Variants in KLHL1 observed in about 807,000 individuals in gnomAD.
KLHL1 encodes the protein kelch like family member 1.
A neutral mutation model predicts 77.7 loss-of-function variants in KLHL1; 47 were observed. The ratio of observed to expected loss-of-function variants is 0.60; its 90% CI spans 0.48 to 0.77. KLHL1 has a LOEUF of 0.77. Ranked by LOEUF, KLHL1 falls within the 30% of genes least tolerant of loss-of-function variation. KLHL1 has a pLI of 0.00. For missense variants in KLHL1, 925 were observed against 910.8 expected, an observed-to-expected ratio of 1.02 and a Z score of -0.20; for synonymous variants, 360 against 325.2, an observed-to-expected ratio of 1.11 and a Z score of -1.15.
chr13:69,892,216 G>A (rs1881447507), intron 4 of KLHL1, among the ~76,000 whole-genome samples: 1 of 152,082 alleles, frequency 6.6e-6, no homozygotes, highest in South Asian at 2.1e-4. Context: ...ATAAATCTCT[G>A]TACAATCTTT....
chr13:70,103,200 C>T (rs928518876), intron 1 of KLHL1, among the ~76,000 whole-genome samples: 1 of 151,882 alleles, frequency 6.6e-6, no homozygotes, highest in Non-Finnish European at 1.5e-5. Flanking sequence ...AGTCTCTATG[C>T]AAAGAAGGAA....
intron 3 of KLHL1, among the ~76,000 whole-genome samples, chr13:69,942,980 A>AT (rs1883410396): frequency 6.6e-6 from 1 of 151,988 alleles, no homozygotes; most frequent in African/African-American, 2.4e-5. Flanking sequence ...TTCCTCTGCC[A>AT]TTTTTTCATC....
At chr13:70,045,503 A>G (rs1487396198) in intron 1 of KLHL1, among the ~76,000 whole-genome samples, 2 of 152,108 alleles carry the variant, frequency 1.3e-5, no homozygotes, top group Non-Finnish European at 2.9e-5. Context: ...TCATTCTATG[A>G]AACAAAAAAG....
At chr13:69,983,979 C>G (rs1450916615) in intron 1 of KLHL1, among the ~76,000 whole-genome samples, 2 of 151,978 alleles carry the variant, frequency 1.3e-5, no homozygotes, top group Non-Finnish European at 2.9e-5. Context: ...AACAACATCC[C>G]GATCTCTCAC....
chr13:69,706,379 T>C (rs1445397754), intron 10 of KLHL1, among the ~76,000 whole-genome samples: 1 of 151,942 alleles, frequency 6.6e-6, no homozygotes. Context: ...ATTAGGAATT[T>C]GGTTTTGTAC....
At chr13:70,033,683 C>T (rs1329869354) in intron 1 of KLHL1, among the ~76,000 whole-genome samples, 1 of 127,672 alleles carries the variant, frequency 7.8e-6, no homozygotes, top group Non-Finnish European at 1.6e-5. Flanking sequence ...GCAGTGGCAC[C>T]ATCTTGACTC....
chr13:69,926,732 G>A (rs1337996945), intron 4 of KLHL1, among the ~76,000 whole-genome samples: 2 of 151,764 alleles, frequency 1.3e-5, no homozygotes, highest in Non-Finnish European at 2.9e-5. Flanking sequence ...TGGATCACGA[G>A]GCCAGGAGAT....
At chr13:70,105,931 A>G (rs1888044241) in intron 1 of KLHL1, among the ~76,000 whole-genome samples, 1 of 150,786 alleles carries the variant, frequency 6.6e-6, no homozygotes, top group South Asian at 2.1e-4. Flanking sequence ...ACATTATAGT[A>G]CATGTCTTAA....
At chr13:70,062,812 A>T (rs1886922948) in intron 1 of KLHL1, among the ~76,000 whole-genome samples, 1 of 152,204 alleles carries the variant, frequency 6.6e-6, no homozygotes, top group Admixed American at 6.5e-5. Context: ...TTCGTTTAAC[A>T]AAATTATATT....
At chr13:69,979,940 C>T (rs1884659641) in intron 1 of KLHL1, among the ~76,000 whole-genome samples, 1 of 152,112 alleles carries the variant, frequency 6.6e-6, no homozygotes, top group African/African-American at 2.4e-5. Context: ...AGTTCCTGAC[C>T]CTCCAAATAC....
chr13:70,046,741 T>C (rs573092597), intron 1 of KLHL1, among the ~76,000 whole-genome samples: 1 of 152,178 alleles, frequency 6.6e-6, no homozygotes, highest in East Asian at 1.9e-4. Flanking sequence ...CTCAAACTCC[T>C]GGCCTCAAGT....
Position 69,771,766 on chromosome 13 carries a change from A to T in KLHL1, c.1639+24972T>A, listed in dbSNP as rs117007198. Among the ~76,000 whole-genome samples, 190 of 152,242 alleles carry T rather than the reference A, an allele frequency of 1.2e-3. 1 individual carries two copies. The East Asian group carries it at 0.013, about 11-fold the overall frequency. On this transcript the variant is annotated intron_variant, in intron 7 of 10. Coordinates refer to ENST00000377844, the MANE Select transcript of KLHL1 (RefSeq NM_020866.3). ...GTCTTATATTTTAAAAATAATTTTG[A>T]GTGAATTCTATTTAATGACGATAAT...
chr13:69,749,092 T>G (rs778389113), intron 7 of KLHL1, among the ~76,000 whole-genome samples: 54 of 152,052 alleles, frequency 3.6e-4, no homozygotes, highest in Non-Finnish European at 6.2e-4. Context: ...TATTATGTGA[T>G]TCTCATATTT....
intron 1 of KLHL1, among the ~76,000 whole-genome samples, chr13:70,012,553 G>C (rs1216723918): frequency 6.6e-6 from 1 of 152,060 alleles, no homozygotes; most frequent in Non-Finnish European, 1.5e-5. Flanking sequence ...GATGCTATTT[G>C]AATGGTAGTA....
At chr13:70,067,087 C>T (rs1041901841) in intron 1 of KLHL1, among the ~76,000 whole-genome samples, 2 of 152,166 alleles carry the variant, frequency 1.3e-5, no homozygotes, top group African/African-American at 4.8e-5. Context: ...CAAGATTCAG[C>T]TTTATAAATG....
intron 6 of KLHL1, among the ~76,000 whole-genome samples, chr13:69,797,863 T>C (rs1208458992): frequency 1.3e-5 from 2 of 151,026 alleles, no homozygotes; most frequent in African/African-American, 2.4e-5. Flanking sequence ...AATAGCTTAA[T>C]AGAATTTTAT....
chr13:69,909,084 AAAAT>A (rs1281831858), intron 4 of KLHL1, among the ~76,000 whole-genome samples: 1 of 149,656 alleles, frequency 6.7e-6, no homozygotes, highest in Non-Finnish European at 1.5e-5. Flanking sequence ...GTATTTATGT[AAAAT>A]AAATATATAT....
intron 5 of KLHL1, among the ~76,000 whole-genome samples, chr13:69,868,472 T>C (rs1287673406): frequency 2.0e-5 from 3 of 152,074 alleles, no homozygotes; most frequent in Non-Finnish European, 4.4e-5. Flanking sequence ...ACAACAATTA[T>C]GTAATTATAA....
chr13:69,974,269 A>T (rs1884479643), intron 2 of KLHL1, among the ~76,000 whole-genome samples: 1 of 151,120 alleles, frequency 6.6e-6, no homozygotes, highest in South Asian at 2.1e-4. Context: ...TTCTAAATAT[A>T]TTAAATATTT....
Sources: gnomAD v4.1 joint callset for allele counts (sites outside exome capture counted in the v4.1 genomes callset) on GRCh38, gnomAD v4.1.1 for gene constraint, MANE v1.5 for transcripts, NCBI Gene and HGNC (gene_info 2026-07-23, HGNC 2026-07-21) for gene names.